GDAP1: variants seen among roughly 807,000 people sequenced by gnomAD.
GDAP1 encodes ganglioside induced differentiation associated protein 1, also known as ganglioside-induced differentiation-associated protein 1.
A neutral mutation model predicts 40.1 loss-of-function variants in GDAP1; 34 were observed. The observed-to-expected ratio is 0.85, with a 90% CI of 0.64 to 1.13. GDAP1 has a LOEUF of 1.13. Among genes scored for constraint, GDAP1 ranks in the 50% most tolerant of loss-of-function variants. GDAP1 has a pLI of 0.00. For synonymous variants in GDAP1, 170 were observed against 157.4 expected (o/e 1.08, Z -0.60); for missense variants, 374 against 433.7 (o/e 0.86, Z 1.22).
chr8:74,386,238 G>T (rs1810022811), intron 2 of GDAP1, among the ~76,000 whole-genome samples: 1 of 119,872 alleles, frequency 8.3e-6, no homozygotes, highest in African/African-American at 3.8e-5. Context: ...CATTGCTTTT[G>T]GTGCTTTCGT....
chr8:74,429,049 A>G (rs966457426), intron 2 of GDAP1, among the ~76,000 whole-genome samples: 4 of 151,818 alleles, frequency 2.6e-5, no homozygotes, highest in African/African-American at 9.7e-5. Context: ...TGAACTCATC[A>G]TTTTTTATGG....
intron 2 of GDAP1, among the ~76,000 whole-genome samples, chr8:74,375,903 T>C (rs1809844577): frequency 6.6e-6 from 1 of 152,210 alleles, no homozygotes; most frequent in South Asian, 2.1e-4. Flanking sequence ...CTTAGAAATA[T>C]TAAATGAAGT....
intron 2 of GDAP1, among the ~76,000 whole-genome samples, chr8:74,405,642 G>A (rs988141782): frequency 1.3e-5 from 2 of 150,112 alleles, no homozygotes; most frequent in Non-Finnish European, 2.9e-5. Flanking sequence ...TTTAATGTAT[G>A]TGGACTTAAT....
intron 2 of GDAP1, among the ~76,000 whole-genome samples, chr8:74,404,518 T>G (rs542043676): frequency 6.7e-6 from 1 of 149,722 alleles, no homozygotes; most frequent in Non-Finnish European, 1.5e-5. Flanking sequence ...TATACTGAGA[T>G]GTAGAAAAGC....
At chr8:74,488,841 C>T (rs1360703507) in exon 3 of GDAP1, 1 of 152,112 alleles carries the variant, frequency 6.6e-6, no homozygotes, top group East Asian at 1.9e-4. Context: ...ATTTTATTAG[C>T]AAATAATGAA....
At chr8:74,401,345 T>C (rs1399452142) in intron 2 of GDAP1, among the ~76,000 whole-genome samples, 5 of 149,776 alleles carry the variant, frequency 3.3e-5, no homozygotes, top group Non-Finnish European at 5.9e-5. Flanking sequence ...TTGATCGCAT[T>C]AGCTCCTGAG....
intron 2 of GDAP1, among the ~76,000 whole-genome samples, chr8:74,401,988 C>T (rs1810350206): frequency 6.7e-6 from 1 of 150,250 alleles, no homozygotes; most frequent in Non-Finnish European, 1.5e-5. Flanking sequence ...AGTTAGGCTG[C>T]TCAGGGGTCA....
At chr8:74,416,888 T>C (rs1211712628) in intron 2 of GDAP1, among the ~76,000 whole-genome samples, 1 of 148,600 alleles carries the variant, frequency 6.7e-6, no homozygotes, top group East Asian at 1.9e-4. Context: ...CCCAGCACTT[T>C]CCACTTATGA....
chr8:74,486,084 A>T (rs1806772868), intron 2 of GDAP1, among the ~76,000 whole-genome samples: 1 of 152,130 alleles, frequency 6.6e-6, no homozygotes, highest in South Asian at 2.1e-4. Context: ...CTTGGCTCCC[A>T]CCATTCCATG....
chr8:74,383,053 A>G (rs970690622), intron 2 of GDAP1, among the ~76,000 whole-genome samples: 3 of 152,210 alleles, frequency 2.0e-5, no homozygotes, highest in African/African-American at 7.2e-5. Context: ...TTTCTAACAC[A>G]TTTTATAGAC....
At chr8:74,398,885 C>T (rs927539044) in intron 2 of GDAP1, among the ~76,000 whole-genome samples, 16 of 152,144 alleles carry the variant, frequency 1.1e-4, no homozygotes, top group South Asian at 2.1e-4. Context: ...AGCCTTGCAT[C>T]GCAGGGATGA....
At chr8:74,381,540 G>A (rs149882381) in intron 2 of GDAP1, among the ~76,000 whole-genome samples, 54 of 152,226 alleles carry the variant, frequency 3.5e-4, no homozygotes, top group African/African-American at 1.2e-3. Context: ...CACATCACTT[G>A]GGGCCAGGAG....
chr8:74,480,717 A>G (rs76390019), intron 2 of GDAP1, among the ~76,000 whole-genome samples: 2,952 of 152,348 alleles, frequency 0.019, 41 homozygotes, highest in Non-Finnish European at 0.029. Context: ...AATGTCAAGT[A>G]TGAAAAATAA....
intron 2 of GDAP1, among the ~76,000 whole-genome samples, chr8:74,449,454 A>C (rs1439251085): frequency 6.6e-6 from 1 of 151,944 alleles, no homozygotes; most frequent in Admixed American, 6.6e-5. Flanking sequence ...CTTCAAATTC[A>C]TGAACATGGT....
At chr8:74,410,908 C>T (rs1805701026) in intron 2 of GDAP1, among the ~76,000 whole-genome samples, 1 of 149,970 alleles carries the variant, frequency 6.7e-6, no homozygotes. Context: ...TGTGTCCCAC[C>T]CAAATCTCAT....
chr8:74,391,983 A>C (rs10957713), intron 2 of GDAP1, among the ~76,000 whole-genome samples: 55,435 of 151,740 alleles, frequency 0.37, 10,567 homozygotes, highest in Middle Eastern at 0.47. Flanking sequence ...CATGCCCAGC[A>C]AATTTTTGTA....
chr8:74,431,612 G>T (rs2131565152), intron 2 of GDAP1, among the ~76,000 whole-genome samples: 1 of 152,052 alleles, frequency 6.6e-6, no homozygotes, highest in African/African-American at 2.4e-5. Flanking sequence ...CTCCCAAGTA[G>T]CTGGGACTAC....
chr8:74,456,703 C>G (rs566242234), intron 2 of GDAP1, among the ~76,000 whole-genome samples: 1 of 151,844 alleles, frequency 6.6e-6, no homozygotes. Flanking sequence ...CATGTTGACA[C>G]TGAAAAACAA....
intron 2 of GDAP1, among the ~76,000 whole-genome samples, chr8:74,439,215 T>C (rs923437718): frequency 6.6e-6 from 1 of 152,072 alleles, no homozygotes; most frequent in African/African-American, 2.4e-5. Flanking sequence ...TACATATATA[T>C]ACATGTTATA....
Sources: gnomAD v4.1 joint callset for allele counts (sites outside exome capture counted in the v4.1 genomes callset) on GRCh38, gnomAD v4.1.1 for gene constraint, MANE v1.5 for transcripts, NCBI Gene and HGNC (gene_info 2026-07-23, HGNC 2026-07-21) for gene names.